The following TXNDC11 variants were observed in gnomAD, a reference collection of about 807,000 sequenced individuals.
The protein encoded by TXNDC11 is thioredoxin domain containing 11.
In TXNDC11, 68 loss-of-function variants were observed where a neutral mutation model predicts 78.0. The ratio of observed to expected loss-of-function variants is 0.87; its 90% CI spans 0.72 to 1.07. The LOEUF is 1.07. Ranked by LOEUF, TXNDC11 falls within the 50% of genes least tolerant of loss-of-function variation. The probability of loss-of-function intolerance (pLI) is 0.00; values close to 1 mark genes in which losing one functional copy is unlikely to be tolerated. For missense variants in TXNDC11, 1,389 were observed against 1,221.8 expected, an observed-to-expected ratio of 1.14 and a Z score of -2.04; for synonymous variants, 571 against 495.2, an observed-to-expected ratio of 1.15 and a Z score of -2.03.
chr16:11,712,517 G>A (rs776268495), intron 5 of TXNDC11, among the ~76,000 whole-genome samples: 1 of 152,182 alleles, frequency 6.6e-6, no homozygotes, highest in African/African-American at 2.4e-5. Flanking sequence ...CAGGAAATGA[G>A]ATACATTCAT....
rs1245971322 is a variant in TXNDC11, at chr16:11,742,659, G to A, written c.72C>T (p.Gly24=). The change falls in exon 1 of 12, where the codon GGC becomes GGT. Residue 24 remains glycine, a synonymous_variant. Coordinates refer to ENST00000283033, the MANE Select transcript of TXNDC11 (RefSeq NM_015914.7). ...SEDAEDEGGG[G]GGPAGSDCLS... is the part of the protein sequence containing the mutation. Reference sequence around the variant, plus strand: ...GGCAGTCTGAGCCCGCGGGGCCGCCGCCGCCCCCTCCCTCGTCCTCGGCGT... The same window carrying A: ...GGCAGTCTGAGCCCGCGGGGCCGCCACCGCCCCCTCCCTCGTCCTCGGCGT... 7.5e-6 allele frequency: 11 copies of A among 1,461,724 alleles called. No individual in the cohort carries two copies. Among genetic ancestry groups the A allele is most frequent in the Middle Eastern group, 2.1e-4 (1 of 4,720 alleles). 90.5% of individuals were successfully genotyped at this position (1,461,724 alleles called of 1,614,324 possible).
chr16:11,682,781 G>T (rs1385239158), intron 11 of TXNDC11, among the ~76,000 whole-genome samples: 1 of 152,142 alleles, frequency 6.6e-6, no homozygotes, highest in African/African-American at 2.4e-5. Flanking sequence ...AACTCAGTCA[G>T]CAGTAGAAAA....
At chr16:11,714,719 C>T (rs1227367844) in intron 5 of TXNDC11, among the ~76,000 whole-genome samples, 1 of 152,090 alleles carries the variant, frequency 6.6e-6, no homozygotes, top group African/African-American at 2.4e-5. Flanking sequence ...ACTTTTTATG[C>T]GTACCGACTC....
At chr16:11,730,555 G>T (rs2052015262) in intron 4 of TXNDC11, 90 bp downstream of exon 4, 1 of 1,363,524 alleles carries the variant, frequency 7.3e-7, no homozygotes, top group South Asian at 1.4e-5. Flanking sequence ...AATTCAGGAG[G>T]TATTTTTTTA....
chr16:11,732,225 A>C (rs1378197810), intron 3 of TXNDC11, among the ~76,000 whole-genome samples: 1 of 152,212 alleles, frequency 6.6e-6, no homozygotes, highest in Non-Finnish European at 1.5e-5. Flanking sequence ...TAGTATATAT[A>C]TGACAATACT....
intron 5 of TXNDC11, among the ~76,000 whole-genome samples, chr16:11,715,995 TCACA>T (rs1313385838): frequency 6.6e-6 from 1 of 152,236 alleles, no homozygotes; most frequent in Non-Finnish European, 1.5e-5. Flanking sequence ...ATTACTTTAC[TCACA>T]CACAAAGTAT....
chr16:11,706,982 T>C (rs1310445738), intron 5 of TXNDC11, among the ~76,000 whole-genome samples: 2 of 152,194 alleles, frequency 1.3e-5, no homozygotes. Flanking sequence ...CCAATTTTCA[T>C]ACAGGCAGGC....
chr16:11,679,444 C>T lies in TXNDC11; in HGVS notation c.2628G>A (p.Lys876=). The change falls in exon 12 of 12, where the codon AAG becomes AAA. Residue 876 remains lysine, a synonymous_variant. Coordinates refer to ENST00000283033, the MANE Select transcript of TXNDC11 (RefSeq NM_015914.7). The surrounding 1 kb of genome is among the most constrained non-coding windows in gnomAD (Gnocchi z 4.6). ...KTRELQELAR[K]LQELADASEN... Reference sequence around the variant, plus strand: ...CTGAGGCATCGGCCAGCTCCTGCAGCTTGCGGGCCAGCTCCTGCAGCTCAC... The same window carrying T: ...CTGAGGCATCGGCCAGCTCCTGCAGTTTGCGGGCCAGCTCCTGCAGCTCAC... 6.2e-7 allele frequency: 1 copy of T among 1,613,532 alleles called. No individual in the cohort carries two copies. The highest frequency in any genetic ancestry group is 8.5e-7 in the Non-Finnish European group (1 of 1,179,822).
At chr16:11,707,294 C>T (rs1463115066) in intron 5 of TXNDC11, among the ~76,000 whole-genome samples, 1 of 151,280 alleles carries the variant, frequency 6.6e-6, no homozygotes, top group East Asian at 2.0e-4. Context: ...TGGCAGGCGC[C>T]TGTAGTCCCA....
At chr16:11,713,871 C>A (rs1044147442) in intron 5 of TXNDC11, among the ~76,000 whole-genome samples, 1 of 151,952 alleles carries the variant, frequency 6.6e-6, no homozygotes, top group African/African-American at 2.4e-5. Context: ...GATCCTAGAA[C>A]CCATGCCATT....
rs2052451426 is a variant in TXNDC11 at position 11,742,803 on chromosome 16, T to G, written c.-73A>C. On this transcript the variant is annotated 5_prime_UTR_variant, in exon 1 of 12. Transcript: ENST00000283033. ...CCGAAGGCCCGGCCCGGCCCGTTGC[T>G]CCCCAATCCCGCAGCTCGCCGCACC... is the stretch of plus-strand genomic sequence containing the variant. 1.5e-6 allele frequency: 2 copies of G among 1,377,032 alleles called. No homozygotes were observed. Among genetic ancestry groups the G allele is most frequent in the African/African-American group, 1.5e-5 (1 of 65,534 alleles). The allele number at this position is 1,377,032 out of a possible 1,614,324, so 85.3% of individuals were successfully genotyped here. A position where few individuals can be genotyped will look rare whatever the true frequency, so the allele number is the denominator to read the frequency against.
intron 8 of TXNDC11, among the ~76,000 whole-genome samples, chr16:11,688,906 T>C (rs1317775020): frequency 6.6e-6 from 1 of 152,200 alleles, no homozygotes; most frequent in Non-Finnish European, 1.5e-5. Flanking sequence ...CAGTTTTTTG[T>C]TTCCTTTATT....
intron 5 of TXNDC11, among the ~76,000 whole-genome samples, chr16:11,711,727 C>A (rs568172060): frequency 1.3e-5 from 2 of 152,164 alleles, no homozygotes; most frequent in East Asian, 1.9e-4. Flanking sequence ...GAGTAAGAAG[C>A]GGAGCTTTTT....
At chr16:11,741,006 G>C (rs542536694) in intron 1 of TXNDC11, among the ~76,000 whole-genome samples, 9 of 114,008 alleles carry the variant, frequency 7.9e-5, no homozygotes, top group African/African-American at 2.9e-4. Context: ...CTGGTATCTA[G>C]TGGGTAGAGG....
At chr16:11,700,061 C>T (rs2050968846) in intron 6 of TXNDC11, among the ~76,000 whole-genome samples, 1 of 152,218 alleles carries the variant, frequency 6.6e-6, no homozygotes, top group South Asian at 2.1e-4. Flanking sequence ...AAGCATGTCA[C>T]ATTACTACTC....
chr16:11,723,406 G>A (rs1455200302), intron 4 of TXNDC11, among the ~76,000 whole-genome samples: 2 of 152,034 alleles, frequency 1.3e-5, no homozygotes, highest in Admixed American at 6.6e-5. Flanking sequence ...CCGATATGGT[G>A]GAACCCTGTC....
Position 11,691,752 on chromosome 16 carries a change from G to A in TXNDC11, c.1438C>T (p.Gln480Ter). ...TCTGATGCCACATGATAAAAGGTCT[G>A]CTCCTTGAGGTAGAAAGAATCCAGA... ...AALDSFYLKE[Q>*]TFYHVASDSI... The change falls in exon 8 of 12, where the codon CAG (glutamine) becomes TAG (stop). Residue 480 changes from glutamine (Q) to a stop codon, truncating the protein, a stop_gained. Coordinates refer to ENST00000283033, the MANE Select transcript of TXNDC11 (RefSeq NM_015914.7). LOFTEE classifies it high-confidence loss of function. 1 of 1,614,236 alleles carries A rather than the reference G, an allele frequency of 6.2e-7. No homozygotes were observed. Among genetic ancestry groups the A allele is most frequent in the South Asian group, 1.1e-5 (1 of 91,090 alleles).
chr16:11,733,865 T>C lies in TXNDC11; in HGVS notation c.569+117A>G, dbSNP rs2052132454. 2.5e-5 allele frequency: 18 copies of C among 715,484 alleles called. No homozygotes were observed. The East Asian group carries it at 5.1e-4, about 20-fold the overall frequency. The allele number at this position is 715,484 out of a possible 1,614,324, so 44.3% of individuals were successfully genotyped here. ...TTCTTTTTTAATTTTTGCTTATCTG[T>C]ATTATCTGAATTTTCTATAGTGAAT... On this transcript the variant is annotated intron_variant, in intron 3 of 11. Coordinates refer to ENST00000283033, the MANE Select transcript of TXNDC11 (RefSeq NM_015914.7).
rs541679614 is a variant in TXNDC11, at chr16:11,685,654, A to C, written c.2154-1409T>G. Among the ~76,000 whole-genome samples the C allele has an allele frequency of 5.3e-5, 8 of 152,230 alleles. No individual in the cohort carries two copies. The South Asian group carries it at 6.2e-4, about 12-fold the overall frequency. ...ACAGAGCAAGACTCCATCTCAAAAA[A>C]AAAAACAAAAACAAAAAACAACAAC... On this transcript the variant is annotated intron_variant, in intron 10 of 11. Coordinates refer to ENST00000283033, the MANE Select transcript of TXNDC11 (RefSeq NM_015914.7).
Sources: allele counts gnomAD v4.1 joint callset (sites outside exome capture counted in the v4.1 genomes callset), GRCh38; gene constraint gnomAD v4.1.1; non-coding constraint Gnocchi (gnomAD v3.1); transcripts MANE v1.5; gene names NCBI Gene and HGNC (gene_info 2026-07-23, HGNC 2026-07-21).